The following LHFPL3 variants were observed in gnomAD, a reference collection of about 807,000 sequenced individuals.
LHFPL3 encodes the protein LHFPL tetraspan subfamily member 3 protein.
In LHFPL3, 5 loss-of-function variants were observed where a neutral mutation model predicts 19.3. The observed-to-expected ratio is 0.26, with a 90% confidence interval of 0.14 to 0.54. The LOEUF (loss-of-function observed/expected upper bound fraction) is 0.54. Among genes scored for constraint, LHFPL3 ranks in the 20% least tolerant of loss-of-function variants. The probability of loss-of-function intolerance (pLI) is 0.94; values close to 1 mark genes in which losing one functional copy is unlikely to be tolerated. For missense variants in LHFPL3, 249 were observed against 307.4 expected (o/e 0.81, Z 1.42); for synonymous variants, 133 against 126.2 (o/e 1.05, Z -0.36).
intron 2 of LHFPL3, among the ~76,000 whole-genome samples, chr7:104,860,709 G>T (rs1030140089): frequency 6.6e-6 from 1 of 152,192 alleles, no homozygotes; most frequent in Admixed American, 6.5e-5. Flanking sequence ...TCATCTCCTA[G>T]AATGTAAAGT....
In LHFPL3 at chr7:104,675,209, A is replaced by G. The variant is rs181349056; in HGVS notation, c.446-61466A>G. Among the ~76,000 whole-genome samples the G allele has an allele frequency of 2.6e-5, 4 of 152,398 alleles. No homozygotes were observed. In the East Asian group the frequency reaches 7.7e-4, roughly 29 times the overall value. On this transcript the variant is annotated intron_variant, in intron 1 of 2. Transcript: ENST00000424859. ...AAGAGGTGGTACTCACCAAGGAGAC[A>G]TCTAAGAGAAGTGTTTTCTAAAAGA...
intron 2 of LHFPL3, among the ~76,000 whole-genome samples, chr7:104,767,023 A>T (rs1281974380): frequency 6.6e-6 from 1 of 152,236 alleles, no homozygotes; most frequent in Non-Finnish European, 1.5e-5. Context: ...TTTTCTTTTT[A>T]AAAAGCTGAA....
At chr7:104,864,638 C>A (rs546778881) in intron 2 of LHFPL3, among the ~76,000 whole-genome samples, 3 of 152,364 alleles carry the variant, frequency 2.0e-5, no homozygotes, top group African/African-American at 4.8e-5. Context: ...AGGAGGCCTG[C>A]CTGCCTCTGT....
chr7:104,551,045 A>G (rs1794653593), intron 1 of LHFPL3, among the ~76,000 whole-genome samples: 1 of 152,108 alleles, frequency 6.6e-6, no homozygotes, highest in African/African-American at 2.4e-5. Flanking sequence ...AGACTGCAAG[A>G]CACAATGCGC....
intron 1 of LHFPL3, among the ~76,000 whole-genome samples, chr7:104,410,661 A>G (rs1243276161): frequency 2.0e-5 from 3 of 152,012 alleles, no homozygotes; most frequent in East Asian, 1.9e-4. Flanking sequence ...GATTCAAACA[A>G]CATCATGCAA....
chr7:104,596,357 T>A (rs1238183799), intron 1 of LHFPL3, among the ~76,000 whole-genome samples: 2 of 152,224 alleles, frequency 1.3e-5, no homozygotes, highest in Non-Finnish European at 2.9e-5. Context: ...TTGAGACAAA[T>A]CATACAAGCC....
intron 2 of LHFPL3, among the ~76,000 whole-genome samples, chr7:104,745,258 C>G (rs986272903): frequency 3.9e-5 from 6 of 152,204 alleles, no homozygotes; most frequent in African/African-American, 1.4e-4. Flanking sequence ...TCCTCTTTCT[C>G]CTTCTTCCTA....
intron 1 of LHFPL3, among the ~76,000 whole-genome samples, chr7:104,415,764 T>A (rs1334651156): frequency 6.6e-6 from 1 of 152,172 alleles, no homozygotes; most frequent in Non-Finnish European, 1.5e-5. Context: ...ATATATCCAA[T>A]TTCAGTAGCA....
chr7:104,596,833 A>G (rs1402240892), intron 1 of LHFPL3, among the ~76,000 whole-genome samples: 1 of 152,200 alleles, frequency 6.6e-6, no homozygotes, highest in Non-Finnish European at 1.5e-5. Flanking sequence ...GCGACTAATG[A>G]GTTCTAAATC....
At chr7:104,609,963 G>A (rs956642568) in intron 1 of LHFPL3, among the ~76,000 whole-genome samples, 3 of 152,106 alleles carry the variant, frequency 2.0e-5, no homozygotes, top group African/African-American at 7.2e-5. Context: ...CAGAAATTAT[G>A]TTTCAAGAAC....
intron 1 of LHFPL3, among the ~76,000 whole-genome samples, chr7:104,451,963 C>T (rs1467147789): frequency 6.6e-6 from 1 of 152,114 alleles, no homozygotes; most frequent in East Asian, 1.9e-4. Context: ...CCAGGGTGGT[C>T]TTGAACTGCT....
intron 1 of LHFPL3, among the ~76,000 whole-genome samples, chr7:104,708,546 G>T (rs1793233634): frequency 6.6e-6 from 1 of 151,942 alleles, no homozygotes; most frequent in Non-Finnish European, 1.5e-5. Context: ...AAGTTCTATT[G>T]CATATTTCTA....
chr7:104,901,573 G>T (rs73419719), intron 2 of LHFPL3, among the ~76,000 whole-genome samples: 3 of 74,944 alleles, frequency 4.0e-5, no homozygotes, highest in African/African-American at 1.3e-4. Flanking sequence ...TTTTTTGTTT[G>T]TTTGCTTGTT....
intron 2 of LHFPL3, among the ~76,000 whole-genome samples, chr7:104,881,310 G>A (rs1792052862): frequency 6.6e-6 from 1 of 152,088 alleles, no homozygotes; most frequent in South Asian, 2.1e-4. Flanking sequence ...AAGAACTTTT[G>A]TGATTCATAG....
In LHFPL3 at chr7:104,506,772, A is replaced by G. The variant is rs62485119; in HGVS notation, c.445+177548A>G. 7.8e-3 allele frequency among the ~76,000 whole-genome samples: 1,185 copies of G among 152,354 alleles called. 27 individuals are homozygous for G. In the East Asian group the frequency reaches 0.09, roughly 12 times the overall value. ...GGTAAAATTTTACCAGGAGTATCCAAGCAATTCCAAATGCAGCAGATATTT... is the reference window on the plus strand; with the variant it reads ...GGTAAAATTTTACCAGGAGTATCCAGGCAATTCCAAATGCAGCAGATATTT... On this transcript the variant is annotated intron_variant, in intron 1 of 2. Coordinates refer to ENST00000424859, the MANE Select transcript of LHFPL3 (RefSeq NM_199000.3).
At chr7:104,857,563 C>A (rs1221802886) in intron 2 of LHFPL3, among the ~76,000 whole-genome samples, 1 of 152,194 alleles carries the variant, frequency 6.6e-6, no homozygotes, top group Non-Finnish European at 1.5e-5. Flanking sequence ...AGGCTATTGG[C>A]ATGCCTTTCT....
At chr7:104,689,203 T>C (rs10239769) in intron 1 of LHFPL3, among the ~76,000 whole-genome samples, 78,871 of 151,976 alleles carry the variant, frequency 0.52, 20,747 homozygotes, top group East Asian at 0.59. Context: ...AATTAGAAAA[T>C]TTAAATGCCA....
At chr7:104,586,227 C>A (rs1295493186) in intron 1 of LHFPL3, among the ~76,000 whole-genome samples, 1 of 152,034 alleles carries the variant, frequency 6.6e-6, no homozygotes, top group Non-Finnish European at 1.5e-5. Context: ...TGGGGTAGTT[C>A]TAATGGAGTA....
chr7:104,519,018 T>G (rs1793989885), intron 1 of LHFPL3, among the ~76,000 whole-genome samples: 2 of 152,134 alleles, frequency 1.3e-5, no homozygotes, highest in African/African-American at 4.8e-5. Context: ...TTTGCTTGTC[T>G]TAGAGCTTTC....
Sources: gnomAD v4.1 joint callset for allele counts (sites outside exome capture counted in the v4.1 genomes callset) on GRCh38, gnomAD v4.1.1 for gene constraint, MANE v1.5 for transcripts, NCBI Gene and HGNC (gene_info 2026-07-23, HGNC 2026-07-21) for gene names.